Variants in PAPPA2 observed in about 807,000 individuals in gnomAD.
PAPPA2 encodes pappalysin-2.
In PAPPA2, 86 loss-of-function variants were observed where a neutral mutation model predicts 176.4. The observed-to-expected ratio is 0.49, with a 90% CI of 0.41 to 0.58. The LOEUF (loss-of-function observed/expected upper bound fraction) is 0.58. Ranked by LOEUF, PAPPA2 falls within the 20% of genes least tolerant of loss-of-function variation. The probability of loss-of-function intolerance (pLI) is 0.00; values close to 1 mark genes in which losing one functional copy is unlikely to be tolerated. For synonymous variants in PAPPA2, 809 were observed against 852.2 expected (o/e 0.95, Z 0.88); for missense variants, 2,073 against 2,256.9 (o/e 0.92, Z 1.65).
chr1:176,618,757 A>G (rs1006029405), intron 3 of PAPPA2, among the ~76,000 whole-genome samples: 2 of 152,216 alleles, frequency 1.3e-5, no homozygotes, highest in Non-Finnish European at 2.9e-5. Context: ...ACTAGGATTA[A>G]AAGAGTAATG....
chr1:176,480,301 T>A (rs1007941738), intron 1 of PAPPA2, among the ~76,000 whole-genome samples: 7 of 152,110 alleles, frequency 4.6e-5, no homozygotes, highest in Non-Finnish European at 1.5e-5. Context: ...GCTGGATAAG[T>A]CTCAGTAACA....
At chr1:176,723,382 C>T (rs750790132) in intron 12 of PAPPA2, among the ~76,000 whole-genome samples, 1 of 151,958 alleles carries the variant, frequency 6.6e-6, no homozygotes, top group African/African-American at 2.4e-5. Context: ...ATTGAAAGTT[C>T]AGTTAATATA....
At chr1:176,484,031 A>G (rs538441099) in intron 1 of PAPPA2, among the ~76,000 whole-genome samples, 1 of 152,338 alleles carries the variant, frequency 6.6e-6, no homozygotes, top group South Asian at 2.1e-4. Flanking sequence ...CATACAGAAT[A>G]TACCCAGAAT....
intron 3 of PAPPA2, among the ~76,000 whole-genome samples, chr1:176,639,793 C>T (rs565904998): frequency 5.3e-5 from 8 of 151,312 alleles, no homozygotes; most frequent in Non-Finnish European, 1.0e-4. Context: ...TGGCTCACTG[C>T]AACCTCCGGG....
At chr1:176,805,171 C>G (rs967687511) in intron 21 of PAPPA2, among the ~76,000 whole-genome samples, 1 of 151,780 alleles carries the variant, frequency 6.6e-6, no homozygotes, top group African/African-American at 2.4e-5. Context: ...ATCCTAGATT[C>G]TACTTAAGCC....
At chr1:176,498,109 A>T (rs961379977) in intron 1 of PAPPA2, among the ~76,000 whole-genome samples, 1 of 151,002 alleles carries the variant, frequency 6.6e-6, no homozygotes, top group Non-Finnish European at 1.5e-5. Flanking sequence ...GGAATCACAG[A>T]CTCCCATTAT....
chr1:176,764,596 CTTTT>C (rs1214683318), intron 14 of PAPPA2, among the ~76,000 whole-genome samples: 5 of 136,104 alleles, frequency 3.7e-5, no homozygotes, highest in Admixed American at 7.3e-5. Context: ...CCAGTGTATT[CTTTT>C]TTTTTTTTTT....
chr1:176,752,250 C>T (rs556067980), intron 14 of PAPPA2, among the ~76,000 whole-genome samples: 3 of 124,502 alleles, frequency 2.4e-5, no homozygotes, highest in Admixed American at 8.7e-5. Flanking sequence ...CTAGATGACA[C>T]GTTAGTGGGT....
intron 1 of PAPPA2, among the ~76,000 whole-genome samples, chr1:176,510,676 A>G (rs1219609071): frequency 6.6e-6 from 1 of 152,076 alleles, no homozygotes; most frequent in Non-Finnish European, 1.5e-5. Flanking sequence ...TTTATAATAC[A>G]TACAGATAAA....
At chr1:176,475,330 A>T (rs1000975047) in intron 1 of PAPPA2, among the ~76,000 whole-genome samples, 8 of 152,206 alleles carry the variant, frequency 5.3e-5, no homozygotes, top group African/African-American at 1.7e-4. Context: ...TTACAAATAA[A>T]CAAAAGCCTA....
intron 3 of PAPPA2, among the ~76,000 whole-genome samples, chr1:176,640,927 T>G (rs1657045251): frequency 6.6e-6 from 1 of 152,154 alleles, no homozygotes. Flanking sequence ...GATTTGCATT[T>G]CTCTGATGGT....
At chr1:176,465,082 A>G (rs1212947619) in intron 1 of PAPPA2, among the ~76,000 whole-genome samples, 1 of 152,216 alleles carries the variant, frequency 6.6e-6, no homozygotes, top group Non-Finnish European at 1.5e-5. Flanking sequence ...TTTCCAAAAC[A>G]TGGTGTTCTG....
At chr1:176,494,914 T>C (rs978215899) in intron 1 of PAPPA2, among the ~76,000 whole-genome samples, 1 of 152,188 alleles carries the variant, frequency 6.6e-6, no homozygotes, top group Non-Finnish European at 1.5e-5. Flanking sequence ...GCAAACTCAG[T>C]GTCATTTCTG....
chr1:176,525,520 T>C (rs977601599), intron 1 of PAPPA2, among the ~76,000 whole-genome samples: 1 of 152,176 alleles, frequency 6.6e-6, no homozygotes, highest in Non-Finnish European at 1.5e-5. Context: ...AATGGAAAAA[T>C]GCCGGTATGA....
chr1:176,514,689 T>C (rs2102528488), intron 1 of PAPPA2, among the ~76,000 whole-genome samples: 1 of 152,350 alleles, frequency 6.6e-6, no homozygotes, highest in African/African-American at 2.4e-5. Context: ...TGTAGACTTA[T>C]TTATCCATAG....
At chr1:176,711,501 A>T (rs1661139000) in intron 11 of PAPPA2, among the ~76,000 whole-genome samples, 2 of 152,082 alleles carry the variant, frequency 1.3e-5, no homozygotes, top group African/African-American at 2.4e-5. Flanking sequence ...GCTGCCTGGT[A>T]AGGGCTTCAT....
chr1:176,691,106 T>C (rs975800995), intron 5 of PAPPA2: 1 of 985,274 alleles, frequency 1.0e-6, no homozygotes, highest in Non-Finnish European at 1.2e-6. Flanking sequence ...CTTCGCTGTC[T>C]CTCACGCCTT....
intron 2 of PAPPA2, among the ~76,000 whole-genome samples, chr1:176,570,814 G>A (rs1158282390): frequency 6.6e-6 from 1 of 152,020 alleles, no homozygotes; most frequent in Non-Finnish European, 1.5e-5. Context: ...TAGCAGCTAT[G>A]TCCTCTACTG....
intron 1 of PAPPA2, among the ~76,000 whole-genome samples, chr1:176,480,184 A>G (rs190452184): frequency 1.3e-5 from 2 of 152,130 alleles, no homozygotes. Context: ...CTCGACCTGT[A>G]ACTGGGCCTC....
Sources: allele counts gnomAD v4.1 joint callset (sites outside exome capture counted in the v4.1 genomes callset), GRCh38; gene constraint gnomAD v4.1.1; transcripts MANE v1.5; gene names NCBI Gene and HGNC (gene_info 2026-07-23, HGNC 2026-07-21).